RALGAPA2: variants seen among roughly 807,000 people sequenced by gnomAD.
RALGAPA2 encodes Ral GTPase activating protein catalytic subunit alpha 2.
RALGAPA2 carries 139 observed loss-of-function variants against 230.4 expected under a neutral mutation model. That is an observed-to-expected ratio of 0.60 (90% confidence interval 0.53 to 0.69). The LOEUF (loss-of-function observed/expected upper bound fraction) is 0.69, where lower values mean the gene tolerates loss of function less well. Ranked by LOEUF, RALGAPA2 falls within the 30% of genes least tolerant of loss-of-function variation. The probability of loss-of-function intolerance (pLI) is 0.00; values close to 1 mark genes in which losing one functional copy is unlikely to be tolerated. For missense variants in RALGAPA2, 2,163 were observed against 2,276.0 expected (o/e 0.95, Z 1.01); for synonymous variants, 847 against 837.8 (o/e 1.01, Z -0.19).
intron 16 of RALGAPA2, among the ~76,000 whole-genome samples, chr20:20,597,476 T>G (rs565081289): frequency 8.5e-5 from 13 of 152,126 alleles, no homozygotes; most frequent in Admixed American, 2.0e-4. Flanking sequence ...AATATGGTAT[T>G]TACATAGCCA....
At chr20:20,540,938 CAAAT>C (rs1014252574) in intron 24 of RALGAPA2, among the ~76,000 whole-genome samples, 9 of 151,170 alleles carry the variant, frequency 6.0e-5, no homozygotes, top group African/African-American at 1.9e-4. Context: ...TCAGAGGCCT[CAAAT>C]AAGGAAGAAT....
At chr20:20,662,557 G>T (rs2067818124) in intron 3 of RALGAPA2, among the ~76,000 whole-genome samples, 1 of 152,132 alleles carries the variant, frequency 6.6e-6, no homozygotes, top group African/African-American at 2.4e-5. Flanking sequence ...CTTACATAAT[G>T]AAATTATCAC....
At chr20:20,668,769 G>C (rs1470220489) in intron 3 of RALGAPA2, among the ~76,000 whole-genome samples, 1 of 152,144 alleles carries the variant, frequency 6.6e-6, no homozygotes, top group African/African-American at 2.4e-5. Context: ...AAGAGCTAAG[G>C]GCAGTCCCTG....
chr20:20,398,811 G>A lies in RALGAPA2; in HGVS notation c.5618-2077C>T, dbSNP rs2059771535. Among the ~76,000 whole-genome samples, 1 of 152,174 alleles carries A rather than the reference G, an allele frequency of 6.6e-6. No homozygotes were observed. Among genetic ancestry groups the A allele is most frequent in the South Asian group, 2.1e-4 (1 of 4,826 alleles). On this transcript the variant is annotated intron_variant, in intron 38 of 39. Coordinates refer to ENST00000202677, the MANE Select transcript of RALGAPA2 (RefSeq NM_020343.4). The surrounding 1 kb of genome is among the most constrained non-coding windows in gnomAD (Gnocchi z 4.5). ...GTTTTAGGCTCTGGGTTACAGTGGT[G>A]ACCAAAGCAGATGAAACCGCTGCCT...
chr20:20,605,543 T>A, intron 14 of RALGAPA2, 131 bp from the exon 15 acceptor site: 1 of 731,964 alleles, frequency 1.4e-6, no homozygotes, highest in Admixed American at 2.9e-5. Context: ...AAGTTGTTTT[T>A]CTTTTAATTC....
chr20:20,576,829 T>C (rs565087915), intron 20 of RALGAPA2, among the ~76,000 whole-genome samples: 30 of 152,260 alleles, frequency 2.0e-4, no homozygotes, highest in Non-Finnish European at 4.0e-4. Context: ...GGTTTCGTAG[T>C]TGTTCCCTTT....
intron 23 of RALGAPA2, among the ~76,000 whole-genome samples, chr20:20,547,543 A>G (rs539096254): frequency 6.6e-6 from 1 of 152,340 alleles, no homozygotes; most frequent in African/African-American, 2.4e-5. Context: ...TCTGAAGCAG[A>G]TATCTAATTC....
chr20:20,506,565 T>C (rs746123376), intron 33 of RALGAPA2, among the ~76,000 whole-genome samples: 2 of 152,188 alleles, frequency 1.3e-5, no homozygotes, highest in Non-Finnish European at 2.9e-5. Context: ...AAAGTTTCGA[T>C]GTCCACTTCC....
At chr20:20,648,790 G>C (rs373022088) in intron 4 of RALGAPA2, among the ~76,000 whole-genome samples, 2 of 152,118 alleles carry the variant, frequency 1.3e-5, no homozygotes, top group Admixed American at 1.3e-4. Context: ...GTAGAAGATG[G>C]CATGTAAAAG....
At chr20:20,657,324 C>G (rs1183769298) in intron 3 of RALGAPA2, among the ~76,000 whole-genome samples, 1 of 152,154 alleles carries the variant, frequency 6.6e-6, no homozygotes, top group African/African-American at 2.4e-5. Context: ...CAGTTACTGG[C>G]TTGGGGCCAT....
At chr20:20,643,170 T>C (rs1445741407) in intron 5 of RALGAPA2, among the ~76,000 whole-genome samples, 1 of 152,158 alleles carries the variant, frequency 6.6e-6, no homozygotes, top group African/African-American at 2.4e-5. Flanking sequence ...CTCTGAAGCT[T>C]AGAGGGCGAC....
intron 1 of RALGAPA2, among the ~76,000 whole-genome samples, chr20:20,705,518 T>G (rs1568779989): frequency 6.6e-6 from 1 of 152,174 alleles, no homozygotes; most frequent in Non-Finnish European, 1.5e-5. Flanking sequence ...TTTTTTTAAT[T>G]CAAGTACAAG....
chr20:20,517,014 AG>A (rs1229520458), intron 31 of RALGAPA2, among the ~76,000 whole-genome samples: 1 of 152,170 alleles, frequency 6.6e-6, no homozygotes, highest in Non-Finnish European at 1.5e-5. Context: ...ATGCTTGTGA[AG>A]GGTCGTGGAG....
At chr20:20,632,095 G>A (rs1218584806) in intron 9 of RALGAPA2, among the ~76,000 whole-genome samples, 6 of 150,436 alleles carry the variant, frequency 4.0e-5, no homozygotes, top group Admixed American at 2.7e-4. Flanking sequence ...CTCGATCTCC[G>A]CTCACTGCAA....
At chr20:20,574,643 T>G (rs943022737) in intron 20 of RALGAPA2, among the ~76,000 whole-genome samples, 5 of 152,210 alleles carry the variant, frequency 3.3e-5, no homozygotes, top group African/African-American at 1.2e-4. Flanking sequence ...TTTCATAGTA[T>G]GTATGTAATA....
At chr20:20,647,450 T>C (rs889304401) in intron 4 of RALGAPA2, among the ~76,000 whole-genome samples, 6 of 152,150 alleles carry the variant, frequency 3.9e-5, no homozygotes, top group African/African-American at 1.4e-4. Context: ...AGCATTCCAC[T>C]AAAAAATTTG....
At chr20:20,665,909 A>G (rs1239351195) in intron 3 of RALGAPA2, among the ~76,000 whole-genome samples, 1 of 152,252 alleles carries the variant, frequency 6.6e-6, no homozygotes, top group Non-Finnish European at 1.5e-5. Flanking sequence ...GAGACCAGTG[A>G]AAAAGGGTAC....
intron 36 of RALGAPA2, among the ~76,000 whole-genome samples, chr20:20,493,653 T>A (rs973205639): frequency 5.9e-5 from 9 of 152,198 alleles, no homozygotes; most frequent in Non-Finnish European, 8.8e-5. Context: ...AATTAATCCA[T>A]ACTAAATATT....
chr20:20,484,541 A>G (rs1490945957), intron 36 of RALGAPA2, among the ~76,000 whole-genome samples: 1 of 152,160 alleles, frequency 6.6e-6, no homozygotes, highest in Non-Finnish European at 1.5e-5. Flanking sequence ...GGATTTCCAA[A>G]TAGTAAGAAA....
Sources: gnomAD v4.1 joint callset for allele counts (sites outside exome capture counted in the v4.1 genomes callset) on GRCh38, gnomAD v4.1.1 for gene constraint, Gnocchi (gnomAD v3.1) non-coding constraint, MANE v1.5 for transcripts, NCBI Gene and HGNC (gene_info 2026-07-23, HGNC 2026-07-21) for gene names.